TFCP2: variants seen among roughly 807,000 people sequenced by gnomAD.
The protein encoded by TFCP2 is transcription factor CP2, also known as alpha-globin transcription factor CP2.
Under a neutral mutation model 73.4 loss-of-function variants are expected in TFCP2, and 33 were observed. The ratio of observed to expected loss-of-function variants is 0.45; its 90% CI spans 0.34 to 0.60. The LOEUF is 0.60. Among genes scored for constraint, TFCP2 ranks in the 20% least tolerant of loss-of-function variants. The probability of loss-of-function intolerance (pLI) is 0.01; values close to 1 mark genes in which losing one functional copy is unlikely to be tolerated. For synonymous variants in TFCP2, 193 were observed against 211.6 expected, an observed-to-expected ratio of 0.91 and a Z score of 0.76; for missense variants, 352 against 604.0, an observed-to-expected ratio of 0.58 and a Z score of 4.37.
chr12:51,110,522 T>C (rs997544538), intron 5 of TFCP2, among the ~76,000 whole-genome samples: 1 of 152,088 alleles, frequency 6.6e-6, no homozygotes, highest in Non-Finnish European at 1.5e-5. Context: ...GAGCCGAGAT[T>C]GCACCACTCC....
chr12:51,156,786 G>GT (rs1941545749), intron 1 of TFCP2: 1 of 152,086 alleles, frequency 6.6e-6, no homozygotes, highest in South Asian at 2.1e-4. Flanking sequence ...GTCTTGGTAG[G>GT]TTTTGTGTTT....
At chr12:51,120,533 G>A (rs1178986832) in intron 1 of TFCP2, among the ~76,000 whole-genome samples, 2 of 152,072 alleles carry the variant, frequency 1.3e-5, no homozygotes, top group African/African-American at 4.8e-5. Flanking sequence ...GGTCTGCTAC[G>A]TGGTTGTAAC....
rs369399459 is a variant in TFCP2, at chr12:51,159,546, C to T, written c.122+12755G>A. ...TAGAGACGGGGTTTCACCACATTGG[C>T]GAGGCTGGTCTCGAACCCACCTCAG... is the stretch of plus-strand genomic sequence containing the variant. On this transcript the variant is annotated intron_variant, in intron 1 of 14. Coordinates refer to ENST00000257915, the MANE Select transcript of TFCP2 (RefSeq NM_005653.5). Among the ~76,000 whole-genome samples the T allele has an allele frequency of 6.6e-5, 10 of 152,026 alleles. No homozygotes were observed. In the East Asian group the frequency reaches 7.8e-4, roughly 12 times the overall value.
At chr12:51,111,080 G>T in intron 4 of TFCP2, 97 bp from the exon 5 acceptor site, 6 of 818,968 alleles carry the variant, frequency 7.3e-6, no homozygotes, top group South Asian at 4.5e-5. Flanking sequence ...TAGCTACCAA[G>T]ATTTTTGTAT....
intron 13 of TFCP2, among the ~76,000 whole-genome samples, chr12:51,097,016 C>T (rs4768970): frequency 0.62 from 93,156 of 150,452 alleles, 29,311 homozygotes; most frequent in Admixed American, 0.68. Flanking sequence ...CAGGCTGGAG[C>T]GCAATGCCCC....
chr12:51,122,417 C>T, intron 1 of TFCP2, among the ~76,000 whole-genome samples: 1 of 151,794 alleles, frequency 6.6e-6, no homozygotes, highest in East Asian at 1.9e-4. Flanking sequence ...TGCTACCACA[C>T]TCAGCTAATT....
intron 13 of TFCP2, among the ~76,000 whole-genome samples, chr12:51,096,809 C>T (rs1370686722): frequency 6.6e-6 from 1 of 151,926 alleles, no homozygotes; most frequent in East Asian, 1.9e-4. Flanking sequence ...AGGAAAAAAA[C>T]AGAATGGAAT....
At chr12:51,111,225 C>T (rs867057311) in intron 4 of TFCP2, among the ~76,000 whole-genome samples, 19 of 151,972 alleles carry the variant, frequency 1.3e-4, no homozygotes, top group Admixed American at 7.9e-4. Context: ...CTCACTGCAA[C>T]CTCTGCCTCC....
At chr12:51,140,784 A>T (rs1021445200) in intron 1 of TFCP2, among the ~76,000 whole-genome samples, 2 of 151,866 alleles carry the variant, frequency 1.3e-5, no homozygotes, top group Non-Finnish European at 2.9e-5. Flanking sequence ...GGTTGGGCAC[A>T]GTGGCTCATA....
At chr12:51,108,271 G>A (rs1158415494) in intron 6 of TFCP2, among the ~76,000 whole-genome samples, 7 of 149,324 alleles carry the variant, frequency 4.7e-5, no homozygotes, top group African/African-American at 1.5e-4. Flanking sequence ...GGGTGACAGA[G>A]TGAAACTCCG....
At chr12:51,167,423 G>A (rs1022020886) in intron 1 of TFCP2, among the ~76,000 whole-genome samples, 6 of 151,424 alleles carry the variant, frequency 4.0e-5, no homozygotes, top group Admixed American at 1.3e-4. Context: ...AGACAGTCTC[G>A]CTTTTGTCCC....
intron 1 of TFCP2, among the ~76,000 whole-genome samples, chr12:51,131,297 T>TGCA (rs1940939330): frequency 6.9e-6 from 1 of 144,694 alleles, no homozygotes; most frequent in African/African-American, 2.6e-5. Context: ...ATCGCACCAC[T>TGCA]GCACCCCAGC....
intron 13 of TFCP2, among the ~76,000 whole-genome samples, chr12:51,096,569 A>T (rs1175755076): frequency 5.3e-5 from 8 of 152,224 alleles, no homozygotes; most frequent in Non-Finnish European, 1.2e-4. Flanking sequence ...ACTGAGCAAT[A>T]GACCCTTTTA....
intron 1 of TFCP2, among the ~76,000 whole-genome samples, chr12:51,123,362 G>T (rs1297934687): frequency 6.6e-6 from 1 of 152,128 alleles, no homozygotes; most frequent in African/African-American, 2.4e-5. Flanking sequence ...TAGAGATAGA[G>T]GTTAAAGGTC....
chr12:51,107,203 A>G (rs778802081), intron 7 of TFCP2, 33 bp downstream of exon 7: 2 of 1,528,210 alleles, frequency 1.3e-6, no homozygotes. Flanking sequence ...AAAAATTATG[A>G]ACTGAAATTG....
chr12:51,123,921 C>T (rs1251862896), intron 1 of TFCP2, among the ~76,000 whole-genome samples: 1 of 152,190 alleles, frequency 6.6e-6, no homozygotes, highest in Admixed American at 6.5e-5. Flanking sequence ...GTCTACATCG[C>T]TAAACCTAAA....
intron 6 of TFCP2, among the ~76,000 whole-genome samples, chr12:51,107,846 C>T (rs1940290489): frequency 1.3e-5 from 2 of 151,924 alleles, no homozygotes; most frequent in African/African-American, 4.8e-5. Context: ...CCTTGTGATC[C>T]GCCCACCTCG....
chr12:51,131,550 C>T (rs1458990869), intron 1 of TFCP2, among the ~76,000 whole-genome samples: 1 of 152,070 alleles, frequency 6.6e-6, no homozygotes, highest in African/African-American at 2.4e-5. Flanking sequence ...TATGAACATC[C>T]ACTTGGCCAA....
chr12:51,098,678 C>CT lies in TFCP2; in HGVS notation c.1419+97dup, dbSNP rs1252476524. ...GCAAAAAAGTATGAAACCCTCTGAT[C>CT]TAGAAAACAGAACACTCTGCCCCAG... is the stretch of plus-strand genomic sequence containing the variant. On this transcript the variant is annotated intron_variant, in intron 13 of 14. Coordinates refer to ENST00000257915, the MANE Select transcript of TFCP2 (RefSeq NM_005653.5). 7.2e-6 allele frequency: 10 copies of CT among 1,383,588 alleles called. No homozygotes were observed. The African/African-American group carries it at 1.5e-4, about 20-fold the overall frequency. The allele number at this position is 1,383,588 out of a possible 1,614,324, so 85.7% of individuals were successfully genotyped here.
Sources: allele counts gnomAD v4.1 joint callset (sites outside exome capture counted in the v4.1 genomes callset), GRCh38; gene constraint gnomAD v4.1.1; transcripts MANE v1.5; gene names NCBI Gene and HGNC (gene_info 2026-07-23, HGNC 2026-07-21).